Variants in ZMIZ1 observed in about 807,000 individuals in gnomAD.
ZMIZ1 encodes zinc finger MIZ-type containing 1.
Under a neutral mutation model 113.9 loss-of-function variants are expected in ZMIZ1, and 17 were observed. That is an observed-to-expected ratio of 0.15 (90% CI 0.10 to 0.22). The LOEUF (loss-of-function observed/expected upper bound fraction) is 0.22. Among genes scored for constraint, ZMIZ1 ranks in the 10% least tolerant of loss-of-function variants. The pLI is 1.00. For synonymous variants in ZMIZ1, 607 were observed against 603.1 expected, an observed-to-expected ratio of 1.01 and a Z score of -0.09; for missense variants, 1,059 against 1,477.8, an observed-to-expected ratio of 0.72 and a Z score of 4.65.
intron 7 of ZMIZ1, among the ~76,000 whole-genome samples, chr10:79,266,593 C>T (rs1851620709): frequency 6.6e-6 from 1 of 152,100 alleles, no homozygotes; most frequent in Non-Finnish European, 1.5e-5. Flanking sequence ...CACACATGGC[C>T]CTGAGGCTGC....
chr10:79,100,143 A>T (rs1843309797), intron 1 of ZMIZ1, among the ~76,000 whole-genome samples: 1 of 151,924 alleles, frequency 6.6e-6, no homozygotes, highest in African/African-American at 2.4e-5. Flanking sequence ...GGCATGTACT[A>T]CCTGTAGCAT....
chr10:79,105,407 C>A (rs1268630512), intron 1 of ZMIZ1, among the ~76,000 whole-genome samples: 1 of 152,256 alleles, frequency 6.6e-6, no homozygotes, highest in East Asian at 1.9e-4. Context: ...TTCTGTGTAA[C>A]AGACCTGTTA....
intron 8 of ZMIZ1, among the ~76,000 whole-genome samples, chr10:79,288,604 C>T (rs1008226790): frequency 1.3e-5 from 2 of 152,210 alleles, no homozygotes; most frequent in Non-Finnish European, 2.9e-5. Flanking sequence ...CTTTTCTGCT[C>T]TTCCTGGTTC....
intron 1 of ZMIZ1, among the ~76,000 whole-genome samples, chr10:79,114,506 CGT>C (rs57304757): frequency 0.011 from 997 of 93,190 alleles, 13 homozygotes; most frequent in African/African-American, 0.027. Context: ...TGTGTGTGTG[CGT>C]GTGTGTGTGT....
At chr10:79,215,025 C>T (rs11002873) in intron 6 of ZMIZ1, among the ~76,000 whole-genome samples, 10,507 of 149,502 alleles carry the variant, frequency 0.07, 529 homozygotes, top group South Asian at 0.16. Flanking sequence ...TCTCACCCTG[C>T]CAGTCCCTAC....
intron 24 of ZMIZ1, among the ~76,000 whole-genome samples, chr10:79,311,675 G>A (rs1378460309): frequency 6.6e-6 from 1 of 152,018 alleles, no homozygotes; most frequent in African/African-American, 2.4e-5. Flanking sequence ...CCCCATGTGG[G>A]TGACAGAAGG....
intron 4 of ZMIZ1, among the ~76,000 whole-genome samples, chr10:79,182,712 G>A (rs1364880532): frequency 1.3e-5 from 2 of 152,188 alleles, no homozygotes; most frequent in Non-Finnish European, 2.9e-5. Flanking sequence ...GAGTGGTTCC[G>A]AGCACAGCCT....
intron 7 of ZMIZ1, among the ~76,000 whole-genome samples, chr10:79,256,621 A>G (rs541215596): frequency 6.6e-6 from 1 of 152,324 alleles, no homozygotes; most frequent in East Asian, 1.9e-4. Context: ...TTCACAAGAA[A>G]TGCCCTGCCA....
At chr10:79,108,393 G>A (rs1843628437) in intron 1 of ZMIZ1, among the ~76,000 whole-genome samples, 2 of 152,150 alleles carry the variant, frequency 1.3e-5, no homozygotes, top group Non-Finnish European at 2.9e-5. Context: ...TCTGGGAATG[G>A]ACTGTTCACC....
At chr10:79,270,533 G>A (rs973099665) in intron 7 of ZMIZ1, among the ~76,000 whole-genome samples, 2 of 152,164 alleles carry the variant, frequency 1.3e-5, no homozygotes, top group African/African-American at 2.4e-5. Flanking sequence ...AGAATGCGCC[G>A]CCGATCATAC....
At chr10:79,098,955 G>A (rs1843262963) in intron 1 of ZMIZ1, among the ~76,000 whole-genome samples, 3 of 152,180 alleles carry the variant, frequency 2.0e-5, no homozygotes, top group African/African-American at 7.2e-5. Flanking sequence ...GTCTGCATTG[G>A]CCCCTGGAGG....
intron 8 of ZMIZ1, among the ~76,000 whole-genome samples, chr10:79,280,257 G>A (rs1352047546): frequency 6.6e-6 from 1 of 151,944 alleles, no homozygotes; most frequent in East Asian, 1.9e-4. Context: ...GGGATTATAG[G>A]CATGAACCAC....
chr10:79,161,093 C>A (rs1250154520), intron 3 of ZMIZ1, among the ~76,000 whole-genome samples: 1 of 152,166 alleles, frequency 6.6e-6, no homozygotes, highest in East Asian at 1.9e-4. Context: ...AGGAGATGGG[C>A]CAGCTGAGCC....
chr10:79,166,003 G>GTGTGTGTGTGTGTGTGC (rs1309575802), intron 4 of ZMIZ1, among the ~76,000 whole-genome samples: 1 of 44,470 alleles, frequency 2.2e-5, no homozygotes, highest in African/African-American at 1.2e-4. Flanking sequence ...TGTGTGTGTG[G>GTGTGTGTGTGTGTGTGC]GCTCTCCCTG....
chr10:79,173,137 G>A (rs1846675346), intron 4 of ZMIZ1, among the ~76,000 whole-genome samples: 1 of 152,174 alleles, frequency 6.6e-6, no homozygotes, highest in African/African-American at 2.4e-5. Flanking sequence ...GTATCAGGGA[G>A]GGCTCTGGGC....
chr10:79,072,345 A>G (rs1285684696), intron 1 of ZMIZ1, among the ~76,000 whole-genome samples: 1 of 152,236 alleles, frequency 6.6e-6, no homozygotes, highest in Non-Finnish European at 1.5e-5. Context: ...ATATGCCTCC[A>G]ACATAGGACA....
chr10:79,220,830 G>GT (rs1564533077), intron 7 of ZMIZ1, among the ~76,000 whole-genome samples: 1 of 151,722 alleles, frequency 6.6e-6, no homozygotes, highest in Non-Finnish European at 1.5e-5. Flanking sequence ...GTGTGTGCCT[G>GT]TGTACATGTG....
chr10:79,293,699 G>A (rs771977761), intron 12 of ZMIZ1, 46 bp downstream of exon 12: 2 of 1,612,586 alleles, frequency 1.2e-6, no homozygotes, highest in Admixed American at 3.3e-5. Flanking sequence ...TGGGACACCT[G>A]GGCTTGAAGA....
chr10:79,225,456 G>A (rs1849162630), intron 7 of ZMIZ1, among the ~76,000 whole-genome samples: 1 of 152,244 alleles, frequency 6.6e-6, no homozygotes, highest in East Asian at 1.9e-4. Context: ...ATGGCCGGGT[G>A]CAGTGGCTCA....
Sources: allele counts gnomAD v4.1 joint callset (sites outside exome capture counted in the v4.1 genomes callset), GRCh38; gene constraint gnomAD v4.1.1; transcripts MANE v1.5; gene names NCBI Gene and HGNC (gene_info 2026-07-23, HGNC 2026-07-21).